HTT: variants seen among roughly 807,000 people sequenced by gnomAD.
HTT encodes huntingtin, also known as huntington disease protein.
In HTT, 104 loss-of-function variants were observed where a neutral mutation model predicts 362.3. The ratio of observed to expected loss-of-function variants is 0.29; its 90% CI spans 0.24 to 0.34. HTT has a LOEUF of 0.34. Among genes scored for constraint, HTT ranks in the 10% least tolerant of loss-of-function variants. The pLI is 1.00. For synonymous variants in HTT, 1,577 were observed against 1,548.7 expected, an observed-to-expected ratio of 1.02 and a Z score of -0.43; for missense variants, 3,301 against 3,928.6, an observed-to-expected ratio of 0.84 and a Z score of 4.27.
At chr4:3,237,536 C>T (rs1418110531) in intron 64 of HTT, among the ~76,000 whole-genome samples, 1 of 152,098 alleles carries the variant, frequency 6.6e-6, no homozygotes, top group Non-Finnish European at 1.5e-5. Flanking sequence ...GCGAGTGCTC[C>T]AAAGAGTGTG....
At chr4:3,234,744 A>G (rs927201819) in intron 61 of HTT, among the ~76,000 whole-genome samples, 1 of 152,044 alleles carries the variant, frequency 6.6e-6, no homozygotes, top group Admixed American at 6.5e-5. Context: ...TGACAGATAT[A>G]CGCATCACTG....
At chr4:3,125,264 A>G (rs1715469410) in intron 10 of HTT, among the ~76,000 whole-genome samples, 1 of 152,292 alleles carries the variant, frequency 6.6e-6, no homozygotes, top group African/African-American at 2.4e-5. Flanking sequence ...TTAATAATCA[A>G]AATCAATAAA....
At chr4:3,202,806 G>A (rs1264558321) in intron 41 of HTT, among the ~76,000 whole-genome samples, 1 of 152,140 alleles carries the variant, frequency 6.6e-6, no homozygotes, top group Non-Finnish European at 1.5e-5. Context: ...GAGGCTGGGA[G>A]TTCAAGACTA....
rs896735231 is a variant in HTT at position 3,127,183 on chromosome 4, G to C, written c.1403-81G>C. ...TGAAACATTTGATAACGGTGGAACT[G>C]TTCGTTATTTTGCAAGCCTGTGATT... On this transcript the variant is annotated intron_variant, in intron 11 of 66. Transcript: ENST00000355072. 6.9e-6 allele frequency: 7 copies of C among 1,015,076 alleles called. No homozygotes were observed. The Admixed American group carries it at 9.5e-5, about 14-fold the overall frequency. 62.9% of individuals were successfully genotyped at this position (1,015,076 alleles called of 1,614,324 possible). A position where few individuals can be genotyped will look rare whatever the true frequency, so the allele number is the denominator to read the frequency against.
At chr4:3,114,758 T>A (rs894826392) in intron 6 of HTT, among the ~76,000 whole-genome samples, 1 of 152,228 alleles carries the variant, frequency 6.6e-6, no homozygotes, top group Non-Finnish European at 1.5e-5. Context: ...TAGCACTTTC[T>A]CCTTTGGATT....
chr4:3,215,406 CCTT>C (rs2110279745), intron 51 of HTT, among the ~76,000 whole-genome samples, 195 bp downstream of exon 51: 1 of 152,262 alleles, frequency 6.6e-6, no homozygotes, highest in Non-Finnish European at 1.5e-5. Context: ...CGAGTGAACA[CCTT>C]ATCCGTACAC....
chr4:3,187,760 CCTT>C lies in HTT; in HGVS notation c.5102_5104del (p.Phe1701del). 1 of 1,613,542 alleles carries C rather than the reference CCTT, an allele frequency of 6.2e-7. No individual in the cohort carries two copies. Among genetic ancestry groups the C allele is most frequent in the Non-Finnish European group, 8.5e-7 (1 of 1,179,436 alleles). On this transcript the variant is annotated inframe_deletion, in exon 39 of 67. Coordinates refer to ENST00000355072, the MANE Select transcript of HTT (RefSeq NM_001388492.1). ...GTTCTTTCTCGTATTCAGGAGCTCT[CCTT>C]CTCTCCGTATTTAATCTCCTGTACA... is the stretch of plus-strand genomic sequence containing the variant.
chr4:3,205,454 T>C (rs536706807), intron 42 of HTT, among the ~76,000 whole-genome samples: 8 of 152,282 alleles, frequency 5.3e-5, no homozygotes, highest in African/African-American at 1.4e-4. Context: ...ACTTTCTCTA[T>C]TGAAGTAGTT....
chr4:3,074,910 CAGCAGCAGCAGCAGCAGCAGCA>C lies in HTT; in HGVS notation c.86_107del (p.Gln29ArgfsTer65). The C allele has an allele frequency of 6.7e-7, 1 of 1,498,970 alleles. No individual in the cohort carries two copies. The highest frequency in any genetic ancestry group is 8.9e-7 in the Non-Finnish European group (1 of 1,128,916). The allele number at this position is 1,498,970 out of a possible 1,614,324, so 92.9% of individuals were successfully genotyped here. On this transcript the variant is annotated frameshift_variant, in exon 1 of 67. Coordinates refer to ENST00000355072, the MANE Select transcript of HTT (RefSeq NM_001388492.1). LOFTEE classifies it high-confidence loss of function. Reference sequence around the variant, plus strand: ...GCAGCAGCAGCAGCAGCAGCAGCAGCAGCAGCAGCAGCAGCAGCAGCAGCAACAGCCGCCACCGCCGCCGCCG... The same window carrying C: ...GCAGCAGCAGCAGCAGCAGCAGCAGCGCAACAGCCGCCACCGCCGCCGCCG...
intron 37 of HTT, among the ~76,000 whole-genome samples, chr4:3,183,982 T>G (rs990610272): frequency 5.3e-5 from 8 of 151,600 alleles, no homozygotes; most frequent in African/African-American, 1.7e-4. Context: ...CTTCTTGGAG[T>G]GAAGATTTTG....
rs1362378991 is a variant in HTT at position 3,220,316 on chromosome 4, T to C, written c.7369+8T>C. The stretch of plus-strand genomic sequence containing the variant: ...ACCGCATCAACACACTAGGTACTCT[T>C]GGGGCCTCTCCTTCAGGTCACCATT... On this transcript the variant is annotated splice_region_variant and intron_variant, in intron 53 of 66. Transcript: ENST00000355072. The C allele has an allele frequency of 6.2e-7, 1 of 1,610,164 alleles. No homozygotes were observed. The highest frequency in any genetic ancestry group is 8.5e-7 in the Non-Finnish European group (1 of 1,176,666).
chr4:3,222,361 C>G (rs1485919564), intron 53 of HTT, 26 bp from the exon 54 acceptor site: 93 of 1,590,626 alleles, frequency 5.8e-5, no homozygotes, highest in Middle Eastern at 1.7e-4. Context: ...GGTTGACACT[C>G]TCTCATGTAA....
chr4:3,204,293 G>T, intron 42 of HTT, 145 bp downstream of exon 42: 1 of 738,882 alleles, frequency 1.4e-6, no homozygotes, highest in Non-Finnish European at 2.2e-6. Flanking sequence ...TAGAATGAAT[G>T]TTTACTTCTG....
At position 3,099,402 on chromosome 4, in the gene HTT, C is replaced by A. The variant is rs1163693666; in HGVS notation, c.468+8C>A. On this transcript the variant is annotated splice_region_variant and intron_variant, in intron 3 of 66. Transcript: ENST00000355072. ...CTCAACAAAGTTATCAAAGTAAGAA[C>A]CGTGTGGATGATGTTCTCCTCAGAG... The A allele has an allele frequency of 6.2e-7, 1 of 1,613,674 alleles. No individual in the cohort carries two copies. Among genetic ancestry groups the A allele is most frequent in the Non-Finnish European group, 8.5e-7 (1 of 1,179,646 alleles).
rs1486656712 is a variant in HTT, at chr4:3,238,911, G to A, written c.9148G>A (p.Ala3050Thr). Residue 3050 changes from alanine to threonine, a missense_variant, in exon 66 of 67, where the codon GCC (alanine) becomes ACC (threonine). Physicochemically the swap from Ala to Thr is moderately conservative, Grantham distance 58. This residue lies in a region of HTT where 753 missense variants were observed against 1,021.3 expected (regional missense o/e 0.74). Coordinates refer to ENST00000355072, the MANE Select transcript of HTT (RefSeq NM_001388492.1). ...LSNFTQRAPV[A>T]MATWSLSCFF... Reference sequence around the variant, plus strand: ...CAACTTCACGCAGAGGGCCCCGGTCGCCATGGCCACGTGGAGCCTCTCCTG... The same window carrying A: ...CAACTTCACGCAGAGGGCCCCGGTCACCATGGCCACGTGGAGCCTCTCCTG... 5.6e-6 allele frequency: 9 copies of A among 1,610,930 alleles called. No homozygotes were observed. Among genetic ancestry groups the A allele is most frequent in the Admixed American group, 5.0e-5 (3 of 59,864 alleles).
intron 26 of HTT, among the ~76,000 whole-genome samples, chr4:3,151,096 GC>G (rs1716866382): frequency 1.3e-5 from 2 of 151,912 alleles, no homozygotes; most frequent in South Asian, 4.2e-4. Flanking sequence ...AAGTGAGCAA[GC>G]ATTACCATCT....
rs545059060 is a variant in HTT, at chr4:3,194,550, C to T, written c.5369-5182C>T. 5.3e-5 allele frequency among the ~76,000 whole-genome samples: 8 copies of T among 152,182 alleles called. No individual in the cohort carries two copies. In the South Asian group the frequency reaches 6.2e-4, roughly 12 times the overall value. The stretch of plus-strand genomic sequence containing the variant: ...AACACGGCCTTCCAGCTTTGCTCAC[C>T]GTGATTTTCAAGGACACATCTTGTG... On this transcript the variant is annotated intron_variant, in intron 40 of 66. Transcript: ENST00000355072.
intron 1 of HTT, among the ~76,000 whole-genome samples, chr4:3,077,185 AT>A (rs952126278): frequency 9.9e-5 from 15 of 151,970 alleles, no homozygotes; most frequent in African/African-American, 1.4e-4. Flanking sequence ...CTCAAAAAAA[AT>A]TTTTTTTAAT....
chr4:3,101,848 G>GTCT (rs1714174362), intron 3 of HTT, among the ~76,000 whole-genome samples: 1 of 152,166 alleles, frequency 6.6e-6, no homozygotes, highest in African/African-American at 2.4e-5. Flanking sequence ...AGTGATTTTT[G>GTCT]TCTAGGGAGG....
Sources: allele counts gnomAD v4.1 joint callset (sites outside exome capture counted in the v4.1 genomes callset), GRCh38; gene constraint gnomAD v4.1.1; regional missense constraint gnomAD v4.1.1; transcripts MANE v1.5; gene names NCBI Gene and HGNC (gene_info 2026-07-23, HGNC 2026-07-21).